Variants in PTPN4 observed in about 807,000 individuals in gnomAD.
PTPN4 encodes protein tyrosine phosphatase non-receptor type 4, also known as tyrosine-protein phosphatase non-receptor type 4.
A neutral mutation model predicts 135.5 loss-of-function variants in PTPN4; 49 were observed. The ratio of observed to expected loss-of-function variants is 0.36; its 90% CI spans 0.29 to 0.46. The LOEUF is 0.46. PTPN4 is among the 20% of genes least tolerant of loss of function. PTPN4 has a pLI of 1.00. For synonymous variants in PTPN4, 333 were observed against 369.9 expected, an observed-to-expected ratio of 0.90 and a Z score of 1.14; for missense variants, 860 against 1,101.0, an observed-to-expected ratio of 0.78 and a Z score of 3.10.
At chr2:119,778,043 TCTAA>T (rs1244931908) in intron 1 of PTPN4, among the ~76,000 whole-genome samples, 1 of 151,858 alleles carries the variant, frequency 6.6e-6, no homozygotes, top group African/African-American at 2.4e-5. Context: ...GCACTAAACC[TCTAA>T]CTAATAAAAT....
intron 9 of PTPN4, among the ~76,000 whole-genome samples, chr2:119,899,155 G>T (rs753018685): frequency 6.6e-6 from 1 of 152,122 alleles, no homozygotes; most frequent in Non-Finnish European, 1.5e-5. Flanking sequence ...TCCTTCTGAA[G>T]ATTACCCTTA....
intron 15 of PTPN4, among the ~76,000 whole-genome samples, chr2:119,943,685 A>G (rs1274229725): frequency 7.4e-6 from 1 of 134,842 alleles, no homozygotes; most frequent in Non-Finnish European, 1.5e-5. Flanking sequence ...TCCCAGGTTC[A>G]CGCCATTCTC....
In PTPN4 at chr2:119,956,874, A is replaced by G. The variant is rs756280659; in HGVS notation, c.2011A>G (p.Met671Val). ...QLYRKKPGMT[M>V]SCAKLPQNIS... ...GTATCGGAAAAAACCTGGAATGACA[A>G]TGTCCTGTGCCAAATTACCTCAGAA... is the stretch of plus-strand genomic sequence containing the variant. The change falls in exon 21 of 27, where the codon ATG becomes GTG. Residue 671 changes from methionine (M) to valine (V), a missense_variant. By Grantham distance (21) the Met-to-Val change is conservative. Around this residue, in one of 2 missense-constraint regions of PTPN4, gnomAD observed 684 missense variants for 807.0 expected, o/e 0.85. Coordinates refer to ENST00000263708, the MANE Select transcript of PTPN4 (RefSeq NM_002830.4). The G allele has an allele frequency of 7.5e-6, 12 of 1,604,232 alleles. No individual in the cohort carries two copies. In the Admixed American group the frequency reaches 1.6e-4, roughly 21 times the overall value.
chr2:119,926,016 A>T (rs1248796614), intron 12 of PTPN4, among the ~76,000 whole-genome samples: 2 of 152,212 alleles, frequency 1.3e-5, no homozygotes, highest in African/African-American at 2.4e-5. Flanking sequence ...ACTGATATTT[A>T]TCCATGGAAA....
At chr2:119,927,351 T>TCCC (rs148149417) in intron 13 of PTPN4, among the ~76,000 whole-genome samples, 1 of 151,586 alleles carries the variant, frequency 6.6e-6, no homozygotes, top group Non-Finnish European at 1.5e-5. Context: ...CCTCAGGTGA[T>TCCC]CCCCCCCACC....
In PTPN4 at chr2:119,960,960, C is replaced by A; in HGVS notation, c.2280+7C>A. The stretch of plus-strand genomic sequence containing the variant: ...ACAAGTTGAACGTGGCAGAGTAAGT[C>A]ATAGTTGAATCTTACACATTGCTTG... On this transcript the variant is annotated splice_region_variant and intron_variant, in intron 23 of 26. Coordinates refer to ENST00000263708, the MANE Select transcript of PTPN4 (RefSeq NM_002830.4). 6.2e-7 allele frequency: 1 copy of A among 1,609,784 alleles called. No individual in the cohort carries two copies. Among genetic ancestry groups the A allele is most frequent in the South Asian group, 1.1e-5 (1 of 89,756 alleles).
intron 10 of PTPN4, among the ~76,000 whole-genome samples, chr2:119,906,988 A>G (rs1052956856): frequency 6.6e-6 from 1 of 152,206 alleles, no homozygotes; most frequent in African/African-American, 2.4e-5. Flanking sequence ...ATTAATGTAC[A>G]AACATCTGTT....
intron 1 of PTPN4, among the ~76,000 whole-genome samples, chr2:119,763,916 T>C (rs957987708): frequency 3.9e-5 from 6 of 152,234 alleles, no homozygotes; most frequent in African/African-American, 1.4e-4. Context: ...CACTGGTTTA[T>C]GCATGGCATT....
At chr2:119,841,599 C>T (rs142467535) in intron 2 of PTPN4, among the ~76,000 whole-genome samples, 2 of 152,104 alleles carry the variant, frequency 1.3e-5, no homozygotes, top group African/African-American at 4.8e-5. Context: ...AGTATAGTTG[C>T]TAGCTCAAAA....
intron 2 of PTPN4, 71 bp from the exon 3 acceptor site, chr2:119,862,465 A>G (rs1677774473): frequency 7.1e-7 from 1 of 1,406,240 alleles, no homozygotes. Flanking sequence ...ACAAAAGTCA[A>G]CCAGGTTAAA....
intron 14 of PTPN4, among the ~76,000 whole-genome samples, chr2:119,933,513 T>C (rs1370632861): frequency 6.6e-6 from 1 of 151,774 alleles, no homozygotes. Context: ...ACCCCATCTT[T>C]ACAAAAACAT....
intron 2 of PTPN4, among the ~76,000 whole-genome samples, chr2:119,812,978 A>C (rs1352184739): frequency 6.6e-6 from 1 of 152,156 alleles, no homozygotes; most frequent in Non-Finnish European, 1.5e-5. Context: ...ACTGCGTAAG[A>C]AATTACCCTA....
Position 119,930,416 on chromosome 2 carries a change from A to G in PTPN4, c.1071-2008A>G, listed in dbSNP as rs1678887398. Among the ~76,000 whole-genome samples the G allele has an allele frequency of 7.2e-5, 11 of 152,298 alleles. No individual in the cohort carries two copies. The South Asian group carries it at 2.3e-3, about 32-fold the overall frequency. ...AAATTTTTCGTGGTTTAGTAAAATT[A>G]ATAGGCTAAAATATTGCCCTGAAAA... On this transcript the variant is annotated intron_variant, in intron 13 of 26. Transcript: ENST00000263708.
chr2:119,801,124 T>A (rs1691354956), intron 1 of PTPN4, among the ~76,000 whole-genome samples: 1 of 152,252 alleles, frequency 6.6e-6, no homozygotes, highest in African/African-American at 2.4e-5. Context: ...AGCCTCGCTC[T>A]ATCACCCAAG....
At chr2:119,953,941 A>G (rs75606460) in intron 19 of PTPN4, among the ~76,000 whole-genome samples, 7,323 of 152,304 alleles carry the variant, frequency 0.048, 193 homozygotes, top group African/African-American at 0.075. Flanking sequence ...ACCAGGGTCT[A>G]CTTCTTGCAA....
chr2:119,885,162 A>T (rs1374240943), intron 8 of PTPN4, among the ~76,000 whole-genome samples: 2 of 152,186 alleles, frequency 1.3e-5, no homozygotes, highest in African/African-American at 4.8e-5. Flanking sequence ...CCCAGCTGTC[A>T]TTATTGTGTT....
chr2:119,806,755 C>T (rs2104945943), intron 1 of PTPN4, among the ~76,000 whole-genome samples: 1 of 152,270 alleles, frequency 6.6e-6, no homozygotes. Context: ...CTCTCCACCC[C>T]AAATCAGCAG....
intron 2 of PTPN4, among the ~76,000 whole-genome samples, chr2:119,833,107 T>C (rs1346941686): frequency 6.6e-6 from 1 of 152,208 alleles, no homozygotes; most frequent in Non-Finnish European, 1.5e-5. Context: ...ATTTGCTTCT[T>C]TCACTTCCTT....
At chr2:119,881,960 T>C (rs1165699018) in intron 6 of PTPN4, 130 bp downstream of exon 6, 30 of 1,061,756 alleles carry the variant, frequency 2.8e-5, no homozygotes, top group Non-Finnish European at 4.1e-5. Context: ...GTGAATTCCT[T>C]TCATCAGATA....
Sources: gnomAD v4.1 joint callset for allele counts (sites outside exome capture counted in the v4.1 genomes callset) on GRCh38, gnomAD v4.1.1 for gene constraint, gnomAD v4.1.1 regional missense constraint, MANE v1.5 for transcripts, NCBI Gene and HGNC (gene_info 2026-07-23, HGNC 2026-07-21) for gene names.